The following MYCBP2 variants were observed in gnomAD, a reference collection of about 807,000 sequenced individuals.
MYCBP2 encodes E3 ubiquitin-protein ligase MYCBP2.
MYCBP2 carries 120 observed loss-of-function variants against 525.3 expected under a neutral mutation model. That is an observed-to-expected ratio of 0.23 (90% CI 0.20 to 0.27). The LOEUF (loss-of-function observed/expected upper bound fraction) is 0.27, where lower values mean the gene tolerates loss of function less well. MYCBP2 is among the 10% of genes least tolerant of loss of function. The pLI, the probability that MYCBP2 is intolerant of heterozygous loss-of-function variation, is 1.00. For synonymous variants in MYCBP2, 1,894 were observed against 1,955.8 expected (o/e 0.97, Z 0.83); for missense variants, 4,149 against 5,657.1 (o/e 0.73, Z 8.55).
rs1328050842 is a variant in MYCBP2 at position 77,126,300 on chromosome 13, A to G, written c.7884+18T>C. ...AAAATGAGTATCTTAGAAGTCATGA[A>G]GCTACAAGAATCCATACCTCTCCCA... On this transcript the variant is annotated intron_variant, in intron 53 of 82. Coordinates refer to ENST00000544440, the MANE Select transcript of MYCBP2 (RefSeq NM_015057.5). 5 of 1,602,222 alleles carry G rather than the reference A, an allele frequency of 3.1e-6. No homozygotes were observed. The highest frequency in any genetic ancestry group is 3.4e-6 in the Non-Finnish European group (4 of 1,170,036).
At chr13:77,245,000 A>G (rs888622593) in intron 15 of MYCBP2, among the ~76,000 whole-genome samples, 37 of 152,216 alleles carry the variant, frequency 2.4e-4, no homozygotes, top group Admixed American at 1.6e-3. Flanking sequence ...CAACAAACGA[A>G]AAAAAGCTCA....
In MYCBP2 at chr13:77,093,221, A is replaced by G. The variant is rs148416281; in HGVS notation, c.10311T>C (p.Asp3437=). The part of the protein sequence containing the change: ...VPAPYISVTP[D]ASPNVFEEPE... ...GCTCTTCAAATACATTAGGACTTGC[A>G]TCAGGAGTTACTGATATATACGGGG... The change falls in exon 59 of 83, where the codon GAT becomes GAC. Residue 3437 remains aspartate, a synonymous_variant. Transcript: ENST00000544440. 2.0e-5 allele frequency: 32 copies of G among 1,613,446 alleles called. No individual in the cohort carries two copies. In the African/African-American group the frequency reaches 3.7e-4, roughly 19 times the overall value.
chr13:77,261,077 A>C lies in MYCBP2; in HGVS notation c.1852+94T>G, dbSNP rs2073186742. On this transcript the variant is annotated intron_variant, in intron 12 of 82. Coordinates refer to ENST00000544440, the MANE Select transcript of MYCBP2 (RefSeq NM_015057.5). Reference sequence around the variant, plus strand: ...ATATATATAAAGTTGGTGTGGTGTTATTGAAATTCATAAACTTTATCTTAA... The same window carrying C: ...ATATATATAAAGTTGGTGTGGTGTTCTTGAAATTCATAAACTTTATCTTAA... 3.6e-5 allele frequency: 34 copies of C among 948,128 alleles called. 1 individual carries two copies. The South Asian group carries it at 6.0e-4, about 17-fold the overall frequency. The allele number at this position is 948,128 out of a possible 1,614,324, so 58.7% of individuals were successfully genotyped here. A position where few individuals can be genotyped will look rare whatever the true frequency, so the allele number is the denominator to read the frequency against.
chr13:77,113,219 A>G (rs1474256927), intron 55 of MYCBP2, among the ~76,000 whole-genome samples: 1 of 151,964 alleles, frequency 6.6e-6, no homozygotes, highest in African/African-American at 2.4e-5. Context: ...GTCCTTCAAC[A>G]CTCTGAGTAG....
At chr13:77,061,486 G>A (rs2039288165) in intron 75 of MYCBP2, among the ~76,000 whole-genome samples, 176 bp downstream of exon 75, 1 of 152,092 alleles carries the variant, frequency 6.6e-6, no homozygotes, top group African/African-American at 2.4e-5. Flanking sequence ...GAAATTAAGT[G>A]TTTCTAAGGA....
chr13:77,215,658 C>T (rs1430469486), intron 21 of MYCBP2, among the ~76,000 whole-genome samples: 1 of 152,160 alleles, frequency 6.6e-6, no homozygotes, highest in African/African-American at 2.4e-5. Flanking sequence ...AATCACAGCT[C>T]TCACTACAGC....
intron 3 of MYCBP2, among the ~76,000 whole-genome samples, chr13:77,279,973 C>A (rs2076020611): frequency 6.6e-6 from 1 of 152,140 alleles, no homozygotes; most frequent in African/African-American, 2.4e-5. Context: ...TTCCAATATA[C>A]AAGGAACATG....
chr13:77,154,464 T>A (rs1594957316), intron 46 of MYCBP2, among the ~76,000 whole-genome samples: 2 of 146,228 alleles, frequency 1.4e-5, no homozygotes, highest in Admixed American at 6.8e-5. Flanking sequence ...AACTCTAAGA[T>A]GAAAAGAAAA....
At chr13:77,242,273 C>A (rs2068977454) in intron 17 of MYCBP2, among the ~76,000 whole-genome samples, 1 of 152,116 alleles carries the variant, frequency 6.6e-6, no homozygotes, top group Non-Finnish European at 1.5e-5. Flanking sequence ...ACCACCACGC[C>A]CAGCTAATTT....
chr13:77,185,818 T>C, intron 31 of MYCBP2, 53 bp downstream of exon 31: 1 of 1,289,754 alleles, frequency 7.8e-7, no homozygotes, highest in South Asian at 1.8e-5. Context: ...GTAAATCTTC[T>C]CAATGTCTCT....
chr13:77,118,544 C>A (rs1566597466), intron 55 of MYCBP2: 1 of 758,740 alleles, frequency 1.3e-6, no homozygotes, highest in East Asian at 2.4e-5. Flanking sequence ...TCATTAACAT[C>A]CAAAATGGCA....
intron 42 of MYCBP2, 146 bp from the exon 43 acceptor site, chr13:77,164,687 T>G: frequency 7.4e-5 from 44 of 598,002 alleles, no homozygotes; most frequent in Non-Finnish European, 7.6e-5. Context: ...GTAGATGAGA[T>G]TCAGTACTCA....
In MYCBP2 at chr13:77,126,433, A is replaced by G; in HGVS notation, c.7769T>C (p.Met2590Thr). ...DMPFLRGGPG[M>T]YKVVKTGPSG... Reference sequence around the variant, plus strand: ...AGGTCCCGTCTTCACTACCTTGTACATGCCTGGCCCTCCTCGCAAGAATGG... The same window carrying G: ...AGGTCCCGTCTTCACTACCTTGTACGTGCCTGGCCCTCCTCGCAAGAATGG... The change falls in exon 53 of 83, where the codon ATG becomes ACG. Residue 2590 changes from methionine (M) to threonine (T), a missense_variant. Met to Thr is a moderately conservative substitution (Grantham distance 81). Transcript: ENST00000544440. 5 of 1,613,990 alleles carry G rather than the reference A, an allele frequency of 3.1e-6. No homozygotes were observed. The highest frequency in any genetic ancestry group is 3.4e-6 in the Non-Finnish European group (4 of 1,179,896).
At chr13:77,214,934 C>CACAT (rs1566947546) in intron 21 of MYCBP2, among the ~76,000 whole-genome samples, 1 of 152,088 alleles carries the variant, frequency 6.6e-6, no homozygotes, top group Non-Finnish European at 1.5e-5. Context: ...ACTGTGTATA[C>CACAT]ACATACATAC....
intron 58 of MYCBP2, among the ~76,000 whole-genome samples, chr13:77,093,750 T>G (rs1003649586): frequency 2.6e-5 from 4 of 152,164 alleles, no homozygotes; most frequent in African/African-American, 9.7e-5. Context: ...ACTGCCTTGG[T>G]TCATGCTTAT....
intron 1 of MYCBP2, 64 bp from the exon 2 acceptor site, chr13:77,296,738 C>G (rs1382982644): frequency 8.6e-6 from 10 of 1,167,170 alleles, no homozygotes; most frequent in Non-Finnish European, 1.2e-5. Flanking sequence ...ACAAAGCTAT[C>G]AAAAATGGGT....
rs1225180882 is a variant in MYCBP2, at chr13:77,285,857, G to GGGAAC, written c.594+2303_594+2304insGTTCC. ...GGGAAAAGAAAAAAGGAGAAAGGAA[G>GGGAAC]GGAAAGGAAAGGAAAGGAAAGGAAA... On this transcript the variant is annotated intron_variant, in intron 3 of 82. Coordinates refer to ENST00000544440, the MANE Select transcript of MYCBP2 (RefSeq NM_015057.5). Among the ~76,000 whole-genome samples the GGGAAC allele has an allele frequency of 4.0e-3, 586 of 146,132 alleles. 2 individuals carry two copies. Among genetic ancestry groups the GGGAAC allele is most frequent in the African/African-American group, 0.013 (502 of 38,390 alleles).
At chr13:77,197,985 T>C (rs966897643) in intron 26 of MYCBP2, among the ~76,000 whole-genome samples, 3 of 152,158 alleles carry the variant, frequency 2.0e-5, no homozygotes, top group Non-Finnish European at 4.4e-5. Flanking sequence ...TGTTTGAAGA[T>C]AAGGTCCACT....
chr13:77,104,319 T>A (rs1443100920), intron 55 of MYCBP2, among the ~76,000 whole-genome samples: 3 of 152,098 alleles, frequency 2.0e-5, no homozygotes, highest in Non-Finnish European at 4.4e-5. Flanking sequence ...TCATTCAATG[T>A]AAAGTATGAG....
Sources: gnomAD v4.1 joint callset for allele counts (sites outside exome capture counted in the v4.1 genomes callset) on GRCh38, gnomAD v4.1.1 for gene constraint, MANE v1.5 for transcripts, NCBI Gene and HGNC (gene_info 2026-07-23, HGNC 2026-07-21) for gene names.